Variants in UBR1 observed in about 807,000 individuals in gnomAD.
UBR1 encodes ubiquitin protein ligase E3 component n-recognin 1, also known as E3 ubiquitin-protein ligase UBR1.
Under a neutral mutation model 242.1 loss-of-function variants are expected in UBR1, and 102 were observed. The observed-to-expected ratio is 0.42, with a 90% CI of 0.36 to 0.50. The LOEUF is 0.50. UBR1 is among the 20% of genes least tolerant of loss of function. The pLI, the probability that UBR1 is intolerant of heterozygous loss-of-function variation, is 0.01. For missense variants in UBR1, 1,772 were observed against 2,101.8 expected (o/e 0.84, Z 3.07); for synonymous variants, 675 against 684.8 (o/e 0.99, Z 0.22).
chr15:43,021,795 T>C lies in UBR1; in HGVS notation c.2840-420A>G, dbSNP rs187734056. Among the ~76,000 whole-genome samples, 24 of 152,352 alleles carry C rather than the reference T, an allele frequency of 1.6e-4. No individual in the cohort carries two copies. In the East Asian group the frequency reaches 4.2e-3, roughly 27 times the overall value. ...TCATAATTATGTACAAATTACAATTTCTAGTTAATGTTATTTACATTGATA... is the reference window on the plus strand; with the variant it reads ...TCATAATTATGTACAAATTACAATTCCTAGTTAATGTTATTTACATTGATA... On this transcript the variant is annotated intron_variant, in intron 26 of 46. Coordinates refer to ENST00000290650, the MANE Select transcript of UBR1 (RefSeq NM_174916.3).
chr15:42,957,658 T>G (rs1284180016), intron 44 of UBR1, among the ~76,000 whole-genome samples: 1 of 152,124 alleles, frequency 6.6e-6, no homozygotes, highest in African/African-American at 2.4e-5. Flanking sequence ...GAGGATCACT[T>G]GAGCCCAGGA....
At chr15:42,957,328 T>C (rs1473580071) in intron 44 of UBR1, among the ~76,000 whole-genome samples, 2 of 152,084 alleles carry the variant, frequency 1.3e-5, no homozygotes, top group African/African-American at 4.8e-5. Flanking sequence ...GGCAAATCCA[T>C]AGAGACAGAA....
In UBR1 at chr15:42,999,694, G is replaced by A. The variant is rs150514250; in HGVS notation, c.3660-1429C>T. ...AATACAAAAATTAGTGGGGTGTGGT[G>A]ACACATGCCTGTGGTCCCAGCTACT... On this transcript the variant is annotated intron_variant, in intron 32 of 46. Transcript: ENST00000290650. Among the ~76,000 whole-genome samples, 760 of 152,038 alleles carry A rather than the reference G, an allele frequency of 5.0e-3. 13 individuals are homozygous for A. Among genetic ancestry groups the A allele is most frequent in the Admixed American group, 0.037 (560 of 15,240 alleles).
At chr15:42,993,746 G>A (rs923052304) in intron 33 of UBR1, among the ~76,000 whole-genome samples, 8 of 151,768 alleles carry the variant, frequency 5.3e-5, no homozygotes, top group African/African-American at 1.7e-4. Flanking sequence ...GCTGAGGCAC[G>A]AGAATTGCTT....
chr15:42,996,731 A>G (rs1284004397), intron 33 of UBR1, among the ~76,000 whole-genome samples: 2 of 152,216 alleles, frequency 1.3e-5, no homozygotes, highest in African/African-American at 4.8e-5. Context: ...AAAAGTACGT[A>G]ACTGAAAGGA....
intron 46 of UBR1, among the ~76,000 whole-genome samples, chr15:42,949,453 A>AG (rs1485926240): frequency 6.6e-6 from 1 of 151,554 alleles, no homozygotes; most frequent in Non-Finnish European, 1.5e-5. Context: ...AATAAAAAAA[A>AG]AATTATGTGC....
At chr15:43,038,414 G>A (rs1168772208) in intron 15 of UBR1, among the ~76,000 whole-genome samples, 182 bp from the exon 16 acceptor site, 1 of 152,090 alleles carries the variant, frequency 6.6e-6, no homozygotes, top group Non-Finnish European at 1.5e-5. Flanking sequence ...TTCAAGACCA[G>A]CCTGGCCCAC....
intron 20 of UBR1, among the ~76,000 whole-genome samples, chr15:43,032,361 T>G (rs2033268428): frequency 6.6e-6 from 1 of 152,164 alleles, no homozygotes; most frequent in Non-Finnish European, 1.5e-5. Context: ...TATATAAAAT[T>G]TTTAGCACTA....
chr15:43,022,636 A>T (rs891352633), intron 26 of UBR1, 66 bp downstream of exon 26: 5 of 1,200,278 alleles, frequency 4.2e-6, no homozygotes, highest in Non-Finnish European at 4.9e-6. Flanking sequence ...AGGATTGACA[A>T]ATTAAAACTC....
intron 12 of UBR1, among the ~76,000 whole-genome samples, chr15:43,054,380 TAG>T (rs1445773724): frequency 6.6e-6 from 1 of 151,586 alleles, no homozygotes; most frequent in East Asian, 1.9e-4. Flanking sequence ...TTTATGTCAA[TAG>T]ATTGTCTGAA....
At chr15:43,100,866 A>G (rs2034225564) in intron 1 of UBR1, among the ~76,000 whole-genome samples, 3 of 152,218 alleles carry the variant, frequency 2.0e-5, no homozygotes, top group Non-Finnish European at 2.9e-5. Flanking sequence ...CAAGTCACAC[A>G]TGATCCTTCC....
At chr15:43,016,596 G>T (rs2033027302) in intron 28 of UBR1, among the ~76,000 whole-genome samples, 2 of 151,740 alleles carry the variant, frequency 1.3e-5, no homozygotes, top group Admixed American at 6.6e-5. Flanking sequence ...TTTGTTTTTG[G>T]GATGGAATCT....
chr15:43,002,453 T>G, intron 32 of UBR1, 102 bp downstream of exon 32: 1 of 1,354,296 alleles, frequency 7.4e-7, no homozygotes, highest in South Asian at 1.2e-5. Flanking sequence ...ACCCCTGAGC[T>G]CTGGCAATCC....
intron 19 of UBR1, among the ~76,000 whole-genome samples, 175 bp downstream of exon 19, chr15:43,036,003 G>A (rs950766827): frequency 6.6e-5 from 10 of 151,842 alleles, no homozygotes; most frequent in East Asian, 3.9e-4. Context: ...TGGGTGCAGC[G>A]CACCAGCATG....
chr15:42,977,653 C>T (rs2032310317), intron 38 of UBR1, among the ~76,000 whole-genome samples: 1 of 148,622 alleles, frequency 6.7e-6, no homozygotes, highest in Admixed American at 6.8e-5. Context: ...TGTAATCAAC[C>T]AGGACAAGAC....
chr15:42,946,435 T>A (rs1289518401), intron 46 of UBR1, among the ~76,000 whole-genome samples: 1 of 152,126 alleles, frequency 6.6e-6, no homozygotes, highest in Admixed American at 6.6e-5. Flanking sequence ...TGGTTGGGGA[T>A]TTTTAAACTG....
At chr15:42,997,710 G>A (rs2032661495) in intron 33 of UBR1, among the ~76,000 whole-genome samples, 1 of 152,148 alleles carries the variant, frequency 6.6e-6, no homozygotes, top group South Asian at 2.1e-4. Context: ...CACTTACTAT[G>A]TACCATGGAC....
chr15:43,069,388 T>G (rs1266050717), intron 5 of UBR1, among the ~76,000 whole-genome samples: 1 of 152,002 alleles, frequency 6.6e-6, no homozygotes, highest in Non-Finnish European at 1.5e-5. Flanking sequence ...GCCATTCTCA[T>G]GCCTCAGCCT....
chr15:43,029,200 A>C (rs1378081855), intron 21 of UBR1, among the ~76,000 whole-genome samples: 2 of 152,164 alleles, frequency 1.3e-5, no homozygotes, highest in Non-Finnish European at 2.9e-5. Context: ...ATTTTTTAAG[A>C]ATCATTTTTC....
Sources: allele counts gnomAD v4.1 joint callset (sites outside exome capture counted in the v4.1 genomes callset), GRCh38; gene constraint gnomAD v4.1.1; transcripts MANE v1.5; gene names NCBI Gene and HGNC (gene_info 2026-07-23, HGNC 2026-07-21).